PDGFRA: variants seen among roughly 807,000 people sequenced by gnomAD.
PDGFRA encodes the protein platelet derived growth factor receptor alpha.
Under a neutral mutation model 121.5 loss-of-function variants are expected in PDGFRA, and 25 were observed. The observed-to-expected ratio is 0.21, with a 90% CI of 0.15 to 0.29. The LOEUF is 0.29. Ranked by LOEUF, PDGFRA falls within the 10% of genes least tolerant of loss-of-function variation. The pLI, the probability that PDGFRA is intolerant of heterozygous loss-of-function variation, is 1.00. For missense variants in PDGFRA, 1,008 were observed against 1,345.1 expected, an observed-to-expected ratio of 0.75 and a Z score of 3.92; for synonymous variants, 463 against 494.8, an observed-to-expected ratio of 0.94 and a Z score of 0.85.
At position 54,274,901 on chromosome 4, in the gene PDGFRA, T is replaced by C. The variant is rs2110299939; in HGVS notation, c.1714T>C (p.Tyr572His). ...ATCAATCAGCCCAGATGGACATGAA[T>C]ATATTTATGTGGACCCGATGCAGCT... ...IESISPDGHE[Y>H]IYVDPMQLPY... The change falls in exon 12 of 23, where the codon TAT (tyrosine) becomes CAT (histidine). Residue 572 changes from tyrosine (Y) to histidine (H), a missense_variant. Around this residue, in one of 5 missense-constraint regions of PDGFRA, gnomAD observed 575 missense variants for 701.8 expected, o/e 0.82. Transcript: ENST00000257290. The C allele has an allele frequency of 6.2e-7, 1 of 1,614,020 alleles. No individual in the cohort carries two copies. Among genetic ancestry groups the C allele is most frequent in the Non-Finnish European group, 8.5e-7 (1 of 1,179,890 alleles).
Position 54,296,968 on chromosome 4 carries a change from G to T in PDGFRA, c.*1696G>T, listed in dbSNP as rs1230898305. On this transcript the variant is annotated 3_prime_UTR_variant, in exon 23 of 23. Coordinates refer to ENST00000257290, the MANE Select transcript of PDGFRA (RefSeq NM_006206.6). The stretch of plus-strand genomic sequence containing the variant: ...ATGCTACTTCCCACTGTATGGGGGA[G>T]ATTGAACTTTCCCCGTCTCCCGTCT... 4.3e-6 allele frequency: 1 copy of T among 233,164 alleles called. No individual in the cohort carries two copies. The highest frequency in any genetic ancestry group is 8.5e-6 in the Non-Finnish European group (1 of 117,992). 14.4% of individuals were successfully genotyped at this position (233,164 alleles called of 1,614,324 possible). A position where few individuals can be genotyped will look rare whatever the true frequency, so the allele number is the denominator to read the frequency against.
intron 8 of PDGFRA, among the ~76,000 whole-genome samples, chr4:54,271,951 TCATTCTCCCCTCCCCTCCCC>T (rs1723399454): frequency 2.3e-5 from 1 of 44,348 alleles, no homozygotes; most frequent in Non-Finnish European, 4.2e-5. Flanking sequence ...CTTCCTTCCT[TCATTCTCCCCTCCCCTCCCC>T]CCTCCCCTCC....
intron 1 of PDGFRA, among the ~76,000 whole-genome samples, chr4:54,234,243 A>C (rs1434829684): frequency 1.4e-5 from 2 of 147,206 alleles, no homozygotes; most frequent in Non-Finnish European, 3.0e-5. Flanking sequence ...AGCCATTTTC[A>C]ACAGCAGTTT....
chr4:54,275,086 A>C, intron 12 of PDGFRA, 113 bp downstream of exon 12: 1 of 1,142,084 alleles, frequency 8.8e-7, no homozygotes, highest in Non-Finnish European at 1.3e-6. Flanking sequence ...AGAACTAGGC[A>C]ATGGAAATTT....
In PDGFRA at chr4:54,297,499, G is replaced by A. The variant is rs771434491; in HGVS notation, c.*2227G>A. The stretch of plus-strand genomic sequence containing the variant: ...TCACAGCTCAAGCATTCTGTTTATC[G>A]CTCACTCTCCCTTGTACAGCCTTAT... On this transcript the variant is annotated 3_prime_UTR_variant, in exon 23 of 23. Coordinates refer to ENST00000257290, the MANE Select transcript of PDGFRA (RefSeq NM_006206.6). 13 of 233,594 alleles carry A rather than the reference G, an allele frequency of 5.6e-5. No individual in the cohort carries two copies. Among genetic ancestry groups the A allele is most frequent in the East Asian group, 4.2e-4 (7 of 16,578 alleles). The allele number at this position is 233,594 out of a possible 1,614,324, so 14.5% of individuals were successfully genotyped here.
At chr4:54,292,398 G>A (rs1005391891) in intron 22 of PDGFRA, among the ~76,000 whole-genome samples, 10 of 152,058 alleles carry the variant, frequency 6.6e-5, no homozygotes, top group Non-Finnish European at 1.0e-4. Context: ...AGCCGTTACC[G>A]TCAGCAAACT....
chr4:54,291,823 A>G (rs1198729392), intron 22 of PDGFRA, among the ~76,000 whole-genome samples: 1 of 143,596 alleles, frequency 7.0e-6, no homozygotes, highest in Non-Finnish European at 1.5e-5. Context: ...AAAGACATGC[A>G]TACGTATGTT....
intron 3 of PDGFRA, among the ~76,000 whole-genome samples, chr4:54,262,612 AG>A (rs1488255343): frequency 5.3e-5 from 8 of 152,110 alleles, no homozygotes; most frequent in Non-Finnish European, 8.8e-5. Context: ...GAGTGTCCCC[AG>A]GGATCTAGAC....
At position 54,264,487 on chromosome 4, in the gene PDGFRA, GGGA is replaced by G. The variant is rs1722925426; in HGVS notation, c.629-431_629-429del. On this transcript the variant is annotated intron_variant, in intron 4 of 22. Transcript: ENST00000257290. ...TGTGCCAGGCACTGTGCTAGGTTCT[GGGA>G]AAGTACTGAGAATAACTGAGGAGCA... 2.2e-5 allele frequency: 6 copies of G among 272,648 alleles called. No individual in the cohort carries two copies. The South Asian group carries it at 2.5e-4, about 11-fold the overall frequency. 16.9% of individuals were successfully genotyped at this position (272,648 alleles called of 1,614,324 possible). A position where few individuals can be genotyped will look rare whatever the true frequency, so the allele number is the denominator to read the frequency against.
At position 54,274,574 on chromosome 4, in the gene PDGFRA, G is replaced by A. The variant is rs749997486; in HGVS notation, c.1602G>A (p.Leu534=). Residue 534 remains leucine (L), a synonymous_variant, in exon 11 of 23, where the codon CTG becomes CTA. Transcript: ENST00000257290. ...CGGTGGCTGCTGCAGTCCTGGTGCT[G>A]TTGGTGATTGTGATCATCTCACTTA... ...ELTVAAAVLV[L]LVIVIISLIV... 6.2e-7 allele frequency: 1 copy of A among 1,614,078 alleles called. No homozygotes were observed. Among genetic ancestry groups the A allele is most frequent in the South Asian group, 1.1e-5 (1 of 91,082 alleles).
intron 16 of PDGFRA, among the ~76,000 whole-genome samples, chr4:54,280,946 CTA>C (rs1449406863): frequency 2.0e-5 from 3 of 151,870 alleles, no homozygotes; most frequent in Non-Finnish European, 2.9e-5. Flanking sequence ...TCTCTGATGT[CTA>C]TGAGTTCAGT....
At chr4:54,268,137 C>A (rs764131759) in intron 7 of PDGFRA, among the ~76,000 whole-genome samples, 1 of 152,176 alleles carries the variant, frequency 6.6e-6, no homozygotes, top group African/African-American at 2.4e-5. Flanking sequence ...CATCACCTTA[C>A]GTGAAAGTTA....
chr4:54,288,084 T>G (rs1724443153), intron 19 of PDGFRA, among the ~76,000 whole-genome samples: 1 of 152,118 alleles, frequency 6.6e-6, no homozygotes, highest in African/African-American at 2.4e-5. Context: ...TCTGGATGGT[T>G]CATCTGGGGA....
At chr4:54,274,242 T>C (rs1723578420) in intron 10 of PDGFRA, among the ~76,000 whole-genome samples, 1 of 152,242 alleles carries the variant, frequency 6.6e-6, no homozygotes, top group Non-Finnish European at 1.5e-5. Context: ...GCATTTATCC[T>C]ATTCAAATTC....
chr4:54,285,573 G>A, intron 17 of PDGFRA, 87 bp downstream of exon 17: 1 of 777,148 alleles, frequency 1.3e-6, no homozygotes, highest in African/African-American at 1.7e-5. Context: ...ATGTTGGAAA[G>A]GCCATTAATA....
intron 1 of PDGFRA, among the ~76,000 whole-genome samples, chr4:54,251,992 G>T (rs1228326526): frequency 6.6e-6 from 1 of 152,180 alleles, no homozygotes; most frequent in Non-Finnish European, 1.5e-5. Flanking sequence ...GGTAAAAATG[G>T]AAGCTAGAGA....
intron 1 of PDGFRA, among the ~76,000 whole-genome samples, chr4:54,252,401 A>G (rs113776023): frequency 0.045 from 6,893 of 152,272 alleles, 522 homozygotes; most frequent in African/African-American, 0.16. Flanking sequence ...TTAATCTTCC[A>G]GATTTCACCT....
intron 22 of PDGFRA, among the ~76,000 whole-genome samples, chr4:54,292,469 G>C (rs549472357): frequency 4.6e-5 from 7 of 152,034 alleles, no homozygotes; most frequent in Admixed American, 1.3e-4. Flanking sequence ...GCTGAACGAT[G>C]AGGACACATG....
chr4:54,258,739 G>T lies in PDGFRA; in HGVS notation c.-12-18G>T, dbSNP rs771973874. The T allele has an allele frequency of 1.3e-6, 2 of 1,551,964 alleles. No individual in the cohort carries two copies. The highest frequency in any genetic ancestry group is 2.2e-5 in the South Asian group (2 of 89,814). On this transcript the variant is annotated intron_variant, in intron 1 of 22. Coordinates refer to ENST00000257290, the MANE Select transcript of PDGFRA (RefSeq NM_006206.6). ...TCTATTTGCTAATGCTGTTTCTGTT[G>T]ACTTTTGACTTTTCTAGTTTCCCAG...
Sources: allele counts gnomAD v4.1 joint callset (sites outside exome capture counted in the v4.1 genomes callset), GRCh38; gene constraint gnomAD v4.1.1; regional missense constraint gnomAD v4.1.1; transcripts MANE v1.5; gene names NCBI Gene and HGNC (gene_info 2026-07-23, HGNC 2026-07-21).